The following TMCO4 variants were observed in gnomAD, a reference collection of about 807,000 sequenced individuals.
TMCO4 encodes transmembrane and coiled-coil domain-containing protein 4.
TMCO4 carries 58 observed loss-of-function variants against 64.7 expected under a neutral mutation model. The ratio of observed to expected loss-of-function variants is 0.90; its 90% confidence interval spans 0.73 to 1.12. TMCO4 has a LOEUF of 1.12. TMCO4 is among the 50% of genes most tolerant of loss of function. The probability of loss-of-function intolerance (pLI) is 0.00; values close to 1 mark genes in which losing one functional copy is unlikely to be tolerated. For missense variants in TMCO4, 780 were observed against 825.9 expected (o/e 0.94, Z 0.68); for synonymous variants, 325 against 346.1 (o/e 0.94, Z 0.68).
intron 13 of TMCO4, among the ~76,000 whole-genome samples, chr1:19,704,059 T>C (rs1202675700): frequency 6.6e-6 from 1 of 152,212 alleles, no homozygotes; most frequent in Non-Finnish European, 1.5e-5. Flanking sequence ...CTTTTGGGCT[T>C]CCATGTCAGA....
At position 19,752,503 on chromosome 1, in the gene TMCO4, C is replaced by G. The variant is rs142176669; in HGVS notation, c.515+3131G>C. On this transcript the variant is annotated intron_variant, in intron 7 of 15. Coordinates refer to ENST00000294543, the MANE Select transcript of TMCO4 (RefSeq NM_181719.7). The stretch of plus-strand genomic sequence containing the variant: ...GTCTTACTCTCTGTCATCTTATCTC[C>G]CATAAGAGGGTGTTTTCTGTCCTTA... Among the ~76,000 whole-genome samples the G allele has an allele frequency of 8.9e-4, 136 of 152,284 alleles. 3 individuals carry two copies. Among genetic ancestry groups the G allele is most frequent in the Non-Finnish European group, 1.2e-4 (8 of 68,032 alleles).
chr1:19,768,507 G>T lies in TMCO4; in HGVS notation c.382+2035C>A, dbSNP rs112665593. 3.6e-3 allele frequency among the ~76,000 whole-genome samples: 541 copies of T among 152,318 alleles called. 5 individuals carry two copies. The highest frequency in any genetic ancestry group is 0.012 in the African/African-American group (519 of 41,568). On this transcript the variant is annotated intron_variant, in intron 6 of 15. Coordinates refer to ENST00000294543, the MANE Select transcript of TMCO4 (RefSeq NM_181719.7). ...GCCCTGGAAATGTAAGCTCCAGGGG[G>T]TGCAGAGAGAAAATGCCCCAAACTC...
intron 13 of TMCO4, among the ~76,000 whole-genome samples, chr1:19,717,657 C>T (rs375674674): frequency 8.5e-5 from 13 of 152,294 alleles, no homozygotes; most frequent in Admixed American, 3.3e-4. Context: ...GCCAGTCCTG[C>T]GCCCTCCGGC....
At chr1:19,793,715 C>CA (rs2044167739) in intron 2 of TMCO4, among the ~76,000 whole-genome samples, 2 of 152,200 alleles carry the variant, frequency 1.3e-5, no homozygotes, top group African/African-American at 4.8e-5. Flanking sequence ...CTCGCTTCAG[C>CA]AGTCTGGAGG....
At chr1:19,774,416 C>G (rs941908715) in intron 4 of TMCO4, among the ~76,000 whole-genome samples, 2 of 152,092 alleles carry the variant, frequency 1.3e-5, no homozygotes, top group Non-Finnish European at 2.9e-5. Context: ...ATCTGTAAAA[C>G]AGTGGAGATG....
Position 19,683,154 on chromosome 1 carries a change from A to G in TMCO4, c.1791T>C (p.Pro597=), listed in dbSNP as rs1231692412. The part of the protein sequence containing the change: ...GLDQSEGASL[P]AAASPERPPI... ...GGGGCCTTTCAGGGCTGGCAGCAGC[A>G]GGAAGGGAGGCCCCTTCAGACTGGT... The change falls in exon 16 of 16, where the codon CCT becomes CCC. Residue 597 remains proline, a synonymous_variant. Coordinates refer to ENST00000294543, the MANE Select transcript of TMCO4 (RefSeq NM_181719.7). 1 of 1,614,172 alleles carries G rather than the reference A, an allele frequency of 6.2e-7. No homozygotes were observed.
At chr1:19,751,790 T>A (rs576965561) in intron 7 of TMCO4, among the ~76,000 whole-genome samples, 1 of 152,348 alleles carries the variant, frequency 6.6e-6, no homozygotes, top group South Asian at 2.1e-4. Context: ...GGCTCGCGCC[T>A]GTGGTCCCAG....
chr1:19,704,363 G>T (rs1018112099), intron 13 of TMCO4, among the ~76,000 whole-genome samples: 1 of 152,322 alleles, frequency 6.6e-6, no homozygotes, highest in African/African-American at 2.4e-5. Context: ...AGAGATCAAC[G>T]CGATTTCCCT....
intron 5 of TMCO4, 94 bp from the exon 6 acceptor site, chr1:19,770,663 A>G (rs554410166): frequency 7.5e-7 from 1 of 1,326,250 alleles, no homozygotes; most frequent in African/African-American, 1.5e-5. Flanking sequence ...GTGGCAGAAC[A>G]AGACAGACAA....
At chr1:19,692,637 TTTG>T (rs1371286552) in intron 15 of TMCO4, among the ~76,000 whole-genome samples, 1 of 150,144 alleles carries the variant, frequency 6.7e-6, no homozygotes, top group East Asian at 2.0e-4. Flanking sequence ...ATCCCAGCTA[TTTG>T]GGAGGCTGAG....
intron 13 of TMCO4, among the ~76,000 whole-genome samples, chr1:19,705,823 G>A (rs1448458994): frequency 6.6e-6 from 1 of 151,856 alleles, no homozygotes; most frequent in East Asian, 1.9e-4. Context: ...TCCACTGTTT[G>A]GTTCAAAACC....
chr1:19,702,001 G>A lies in TMCO4; in HGVS notation c.1265-1116C>T, dbSNP rs549816359. Among the ~76,000 whole-genome samples the A allele has an allele frequency of 7.9e-5, 12 of 152,080 alleles. No individual in the cohort carries two copies. The South Asian group carries it at 2.5e-3, about 32-fold the overall frequency. ...ATTTATTTCTTTGAGACAGAGTCTC[G>A]CTCTGTAGCCCAGGCTGGAGTGCAG... On this transcript the variant is annotated intron_variant, in intron 13 of 15. Coordinates refer to ENST00000294543, the MANE Select transcript of TMCO4 (RefSeq NM_181719.7).
intron 10 of TMCO4, among the ~76,000 whole-genome samples, chr1:19,742,348 G>A (rs2095483371): frequency 6.6e-6 from 1 of 152,180 alleles, no homozygotes. Flanking sequence ...TGTACAGTAA[G>A]TGCTCATTAA....
intron 13 of TMCO4, among the ~76,000 whole-genome samples, chr1:19,733,966 C>A (rs894154136): frequency 6.6e-6 from 1 of 152,162 alleles, no homozygotes; most frequent in Non-Finnish European, 1.5e-5. Flanking sequence ...TGGAAGGACT[C>A]CATGAAATAA....
At chr1:19,783,020 G>T (rs2043563378) in intron 3 of TMCO4, among the ~76,000 whole-genome samples, 1 of 152,218 alleles carries the variant, frequency 6.6e-6, no homozygotes, top group Non-Finnish European at 1.5e-5. Context: ...CAGGGTTCAT[G>T]CTATATAAAT....
chr1:19,780,552 C>T (rs770083229), intron 4 of TMCO4, 28 bp downstream of exon 4: 12 of 1,561,298 alleles, frequency 7.7e-6, no homozygotes, highest in Non-Finnish European at 1.0e-5. Flanking sequence ...GAAGCATGAC[C>T]TTCCCACTGC....
intron 15 of TMCO4, among the ~76,000 whole-genome samples, chr1:19,687,749 A>G (rs904173398): frequency 3.5e-4 from 53 of 152,348 alleles, no homozygotes; most frequent in African/African-American, 1.3e-3. Context: ...TGCTGGGTAG[A>G]AACAGGCCAG....
intron 15 of TMCO4, among the ~76,000 whole-genome samples, chr1:19,685,971 C>T (rs2095146014): frequency 1.3e-5 from 2 of 151,934 alleles, no homozygotes; most frequent in African/African-American, 2.4e-5. Context: ...TCATGATCCA[C>T]CCACCTCGGC....
intron 4 of TMCO4, among the ~76,000 whole-genome samples, 167 bp from the exon 5 acceptor site, chr1:19,771,649 A>G (rs61768331): frequency 0.12 from 17,810 of 151,972 alleles, 1,140 homozygotes; most frequent in Non-Finnish European, 0.13. Flanking sequence ...TGGGTGATGT[A>G]AATTTTGTTT....
Sources: gnomAD v4.1 joint callset for allele counts (sites outside exome capture counted in the v4.1 genomes callset) on GRCh38, gnomAD v4.1.1 for gene constraint, MANE v1.5 for transcripts, NCBI Gene and HGNC (gene_info 2026-07-23, HGNC 2026-07-21) for gene names.